The following DCBLD2 variants were observed in gnomAD, a reference collection of about 807,000 sequenced individuals.
The protein encoded by DCBLD2 is discoidin, CUB and LCCL domain containing 2.
Under a neutral mutation model 86.8 loss-of-function variants are expected in DCBLD2, and 54 were observed. The ratio of observed to expected loss-of-function variants is 0.62; its 90% CI spans 0.50 to 0.78. The LOEUF (loss-of-function observed/expected upper bound fraction) is 0.78, where lower values mean the gene tolerates loss of function less well. DCBLD2 is among the 30% of genes least tolerant of loss of function. The pLI, the probability that DCBLD2 is intolerant of heterozygous loss-of-function variation, is 0.00. For missense variants in DCBLD2, 908 were observed against 954.2 expected, an observed-to-expected ratio of 0.95 and a Z score of 0.64; for synonymous variants, 354 against 341.3, an observed-to-expected ratio of 1.04 and a Z score of -0.41.
intron 1 of DCBLD2, among the ~76,000 whole-genome samples, chr3:98,900,038 T>C (rs1289487956): frequency 1.3e-5 from 2 of 152,228 alleles, no homozygotes; most frequent in East Asian, 1.9e-4. Flanking sequence ...TTACTCTATA[T>C]AGAAACGTGT....
At chr3:98,836,116 C>A (rs1375518391) in intron 3 of DCBLD2, among the ~76,000 whole-genome samples, 1 of 140,650 alleles carries the variant, frequency 7.1e-6, no homozygotes, top group Non-Finnish European at 1.6e-5. Context: ...TTTTAAATAG[C>A]CACTTGCATC....
intron 4 of DCBLD2, 41 bp from the exon 5 acceptor site, chr3:98,822,782 T>A: frequency 6.6e-7 from 1 of 1,520,208 alleles, no homozygotes; most frequent in Non-Finnish European, 8.8e-7. Context: ...TAATGCTGTA[T>A]TTTACAGGGA....
intron 13 of DCBLD2, among the ~76,000 whole-genome samples, chr3:98,807,139 G>A (rs6785935): frequency 0.43 from 65,880 of 151,944 alleles, 14,462 homozygotes; most frequent in African/African-American, 0.46. Flanking sequence ...GGCCCAGACT[G>A]AACCTCTATG....
At chr3:98,874,799 T>G (rs1309487013) in intron 2 of DCBLD2, among the ~76,000 whole-genome samples, 1 of 152,232 alleles carries the variant, frequency 6.6e-6, no homozygotes, top group Non-Finnish European at 1.5e-5. Context: ...CCTCGTCATG[T>G]GAGGACACAG....
At chr3:98,824,244 A>C (rs1228864075) in intron 4 of DCBLD2, among the ~76,000 whole-genome samples, 1 of 152,222 alleles carries the variant, frequency 6.6e-6, no homozygotes, top group Non-Finnish European at 1.5e-5. Context: ...TTTTTAAAAA[A>C]GATTATTCTG....
At chr3:98,896,087 A>T (rs931735097) in intron 1 of DCBLD2, among the ~76,000 whole-genome samples, 1 of 152,262 alleles carries the variant, frequency 6.6e-6, no homozygotes, top group Non-Finnish European at 1.5e-5. Flanking sequence ...GGATTCTCCC[A>T]TAATTCAAGC....
chr3:98,850,582 C>A (rs559675830), intron 2 of DCBLD2, among the ~76,000 whole-genome samples: 6 of 152,234 alleles, frequency 3.9e-5, no homozygotes, highest in African/African-American at 1.4e-4. Context: ...AACTGATTTT[C>A]TTATGTGCTT....
chr3:98,897,976 A>G (rs763183644), intron 1 of DCBLD2, among the ~76,000 whole-genome samples: 3 of 152,072 alleles, frequency 2.0e-5, no homozygotes, highest in Non-Finnish European at 2.9e-5. Context: ...AATAGCAAAT[A>G]TGCTACCAGC....
chr3:98,867,303 A>G (rs937948270), intron 2 of DCBLD2, among the ~76,000 whole-genome samples: 2 of 152,118 alleles, frequency 1.3e-5, no homozygotes, highest in Admixed American at 1.3e-4. Flanking sequence ...TGGGCAGTAT[A>G]GCCATTTTCA....
chr3:98,823,660 C>T (rs557735068), intron 4 of DCBLD2, among the ~76,000 whole-genome samples: 102 of 151,974 alleles, frequency 6.7e-4, no homozygotes, highest in African/African-American at 2.3e-3. Context: ...CTGAAATAAC[C>T]GCAAGAAATC....
chr3:98,887,300 CG>C, intron 1 of DCBLD2, among the ~76,000 whole-genome samples: 1 of 151,908 alleles, frequency 6.6e-6, no homozygotes, highest in Admixed American at 6.6e-5. Flanking sequence ...GGAGCTTTTA[CG>C]AAACAGAAAA....
chr3:98,836,894 G>A lies in DCBLD2; in HGVS notation c.572-11528C>T, dbSNP rs1355787244. Among the ~76,000 whole-genome samples, 96 of 76,838 alleles carry A rather than the reference G, an allele frequency of 1.2e-3. 4 individuals carry two copies. The highest frequency in any genetic ancestry group is 0.011 in the East Asian group (34 of 3,194). 50.4% of individuals were successfully genotyped at this position (76,838 alleles called of 152,430 possible). On this transcript the variant is annotated intron_variant, in intron 3 of 15. Coordinates refer to ENST00000326840, the MANE Select transcript of DCBLD2 (RefSeq NM_080927.4). ...GGGCCGACACCCCCACCTCCCTCCC[G>A]GAGGGGGCGGCTGGCCGGGCGGGGG...
chr3:98,837,047 G>T (rs1289842550), intron 3 of DCBLD2, among the ~76,000 whole-genome samples: 1 of 45,538 alleles, frequency 2.2e-5, no homozygotes, highest in Non-Finnish European at 4.4e-5. Context: ...CGGGCGGGGG[G>T]GCTGACCCCC....
At chr3:98,809,766 C>A (rs185505868) in intron 12 of DCBLD2, among the ~76,000 whole-genome samples, 58 of 152,266 alleles carry the variant, frequency 3.8e-4, no homozygotes, top group Admixed American at 6.5e-4. Flanking sequence ...TACAGAGGCA[C>A]AAATCTGACC....
chr3:98,806,082 C>A (rs1019894877), intron 13 of DCBLD2, among the ~76,000 whole-genome samples: 1 of 152,058 alleles, frequency 6.6e-6, no homozygotes, highest in African/African-American at 2.4e-5. Context: ...ATTATAGTGC[C>A]TGCTTCGTAG....
rs894801840 is a variant in DCBLD2, at chr3:98,901,205, T to C, written c.122A>G (p.Asn41Ser). The C allele has an allele frequency of 6.5e-7, 1 of 1,535,806 alleles. No individual in the cohort carries two copies. Among genetic ancestry groups the C allele is most frequent in the Non-Finnish European group, 8.7e-7 (1 of 1,146,404 alleles). The change falls in exon 1 of 16, where the codon AAC becomes AGC. Residue 41 changes from asparagine (N) to serine (S), a missense_variant. Asn to Ser is a conservative substitution (Grantham distance 46). Coordinates refer to ENST00000326840, the MANE Select transcript of DCBLD2 (RefSeq NM_080927.4). ...PLSRSLPPCS[N>S]SSSFSMPLFL... Reference sequence around the variant, plus strand: ...CAGAGGCATGGAGAAGGAGGAGGAGTTGGAGCAGGGAGGGAGGGAGCGGGA... The same window carrying C: ...CAGAGGCATGGAGAAGGAGGAGGAGCTGGAGCAGGGAGGGAGGGAGCGGGA...
intron 2 of DCBLD2, among the ~76,000 whole-genome samples, chr3:98,858,274 G>A (rs1055175679): frequency 7.2e-5 from 11 of 152,370 alleles, no homozygotes; most frequent in East Asian, 3.9e-4. Context: ...CGCAAGCGCC[G>A]TGTGCAGCCC....
chr3:98,809,483 A>G (rs1305809600), intron 12 of DCBLD2, among the ~76,000 whole-genome samples: 2 of 152,128 alleles, frequency 1.3e-5, no homozygotes, highest in Non-Finnish European at 2.9e-5. Flanking sequence ...CTTGGGCAAC[A>G]TAAGGAAGCC....
intron 2 of DCBLD2, among the ~76,000 whole-genome samples, chr3:98,870,660 G>C (rs1173535477): frequency 6.8e-6 from 1 of 147,164 alleles, no homozygotes; most frequent in Non-Finnish European, 1.5e-5. Context: ...TAGAGAAAGA[G>C]AGAGAGAGAG....
Sources: allele counts gnomAD v4.1 joint callset (sites outside exome capture counted in the v4.1 genomes callset), GRCh38; gene constraint gnomAD v4.1.1; transcripts MANE v1.5; gene names NCBI Gene and HGNC (gene_info 2026-07-23, HGNC 2026-07-21).